The following ANO10 variants were observed in gnomAD, a reference collection of about 807,000 sequenced individuals.
ANO10 encodes anoctamin-10.
ANO10 carries 77 observed loss-of-function variants against 74.7 expected under a neutral mutation model. The ratio of observed to expected loss-of-function variants is 1.03; its 90% CI spans 0.86 to 1.25. ANO10 has a LOEUF of 1.25. Ranked by LOEUF, ANO10 falls within the 50% of genes most tolerant of loss-of-function variation. The pLI, the probability that ANO10 is intolerant of heterozygous loss-of-function variation, is 0.00. For missense variants in ANO10, 721 were observed against 778.1 expected, an observed-to-expected ratio of 0.93 and a Z score of 0.87; for synonymous variants, 279 against 284.9, an observed-to-expected ratio of 0.98 and a Z score of 0.21.
chr3:43,524,575 A>G (rs1302060409), intron 11 of ANO10, among the ~76,000 whole-genome samples: 2 of 152,142 alleles, frequency 1.3e-5, no homozygotes, highest in Non-Finnish European at 2.9e-5. Flanking sequence ...CAGGTGAGAA[A>G]GGGGGAAGGA....
intron 8 of ANO10, among the ~76,000 whole-genome samples, chr3:43,564,309 C>T (rs934995819): frequency 6.6e-6 from 1 of 151,938 alleles, no homozygotes; most frequent in African/African-American, 2.4e-5. Flanking sequence ...GCTGGGATTA[C>T]AGGTATGAGC....
chr3:43,404,442 C>T (rs538658430), intron 12 of ANO10, among the ~76,000 whole-genome samples: 1 of 152,192 alleles, frequency 6.6e-6, no homozygotes, highest in Non-Finnish European at 1.5e-5. Context: ...CCCCAGCTGA[C>T]ATCTTAGATT....
intron 1 of ANO10, among the ~76,000 whole-genome samples, chr3:43,677,135 C>T (rs1188030139): frequency 6.6e-6 from 1 of 152,178 alleles, no homozygotes; most frequent in East Asian, 1.9e-4. Flanking sequence ...GGTACACATA[C>T]ACCATGGAAT....
At position 43,660,978 on chromosome 3, in the gene ANO10, C is replaced by T. The variant is rs572811573; in HGVS notation, c.-12+30539G>A. 4.6e-5 allele frequency among the ~76,000 whole-genome samples: 7 copies of T among 152,228 alleles called. No individual in the cohort carries two copies. In the South Asian group the frequency reaches 1.5e-3, roughly 32 times the overall value. ...TCAAAAACAATAAAAAGAAAACACT[C>T]TTCAGGATATTATCCAGGAGAACTT... On this transcript the variant is annotated intron_variant, in intron 1 of 3. Transcript: ENST00000413397.
At chr3:43,684,238 AAAAC>A (rs1470351770) in intron 1 of ANO10, among the ~76,000 whole-genome samples, 1 of 152,232 alleles carries the variant, frequency 6.6e-6, no homozygotes, top group Non-Finnish European at 1.5e-5. Flanking sequence ...TTACAAGAAA[AAAAC>A]AAACAACCCC....
At chr3:43,675,532 C>T (rs1305219971) in intron 1 of ANO10, among the ~76,000 whole-genome samples, 1 of 152,016 alleles carries the variant, frequency 6.6e-6, no homozygotes, top group African/African-American at 2.4e-5. Flanking sequence ...ATTCTCAAAA[C>T]TCAACAGTTA....
intron 11 of ANO10, among the ~76,000 whole-genome samples, chr3:43,523,882 C>G (rs1163277619): frequency 6.6e-6 from 1 of 151,674 alleles, no homozygotes; most frequent in African/African-American, 2.4e-5. Context: ...ACAGTGGAAG[C>G]TGTGGAGTAG....
At chr3:43,373,886 G>A (rs1379105685) in intron 12 of ANO10, among the ~76,000 whole-genome samples, 2 of 152,192 alleles carry the variant, frequency 1.3e-5, no homozygotes, top group Non-Finnish European at 2.9e-5. Context: ...CACCTCCCTG[G>A]GTCTGGGAAA....
intron 10 of ANO10, among the ~76,000 whole-genome samples, chr3:43,551,974 T>C (rs190964712): frequency 1.8e-4 from 28 of 152,344 alleles, no homozygotes; most frequent in Admixed American, 1.6e-3. Flanking sequence ...CCTTGTTTTC[T>C]GTTTGTTCCC....
chr3:43,504,300 G>GA (rs1553692116), intron 11 of ANO10, among the ~76,000 whole-genome samples: 5 of 139,822 alleles, frequency 3.6e-5, no homozygotes, highest in African/African-American at 1.3e-4. Context: ...AGGTAGGTAG[G>GA]TAGATAGATA....
intron 12 of ANO10, among the ~76,000 whole-genome samples, chr3:43,422,644 G>T (rs1021701306): frequency 6.6e-6 from 1 of 152,098 alleles, no homozygotes; most frequent in African/African-American, 2.4e-5. Context: ...TATCAATGGG[G>T]TGACTTGAAA....
intron 11 of ANO10, among the ~76,000 whole-genome samples, chr3:43,508,862 G>A (rs2077399750): frequency 6.6e-6 from 1 of 150,456 alleles, no homozygotes; most frequent in Non-Finnish European, 1.5e-5. Flanking sequence ...GTTAATGGGT[G>A]TAGCACACCA....
At position 43,555,259 on chromosome 3, in the gene ANO10, T is replaced by G; in HGVS notation, c.1668+19A>C. The G allele has an allele frequency of 6.2e-7, 1 of 1,612,254 alleles. No individual in the cohort carries two copies. Among genetic ancestry groups the G allele is most frequent in the Non-Finnish European group, 8.5e-7 (1 of 1,178,388 alleles). On this transcript the variant is annotated intron_variant, in intron 10 of 12. Coordinates refer to ENST00000292246, the MANE Select transcript of ANO10 (RefSeq NM_018075.5). Reference sequence around the variant, plus strand: ...TATTTTTATTTTTTAAAGGAATAATTTTTTTCTCAAACAATTACCTGCCAC... The same window carrying G: ...TATTTTTATTTTTTAAAGGAATAATGTTTTTCTCAAACAATTACCTGCCAC...
At chr3:43,487,491 T>C (rs1212167805) in intron 11 of ANO10, among the ~76,000 whole-genome samples, 2 of 152,042 alleles carry the variant, frequency 1.3e-5, no homozygotes, top group Non-Finnish European at 2.9e-5. Context: ...CTCCTGTTAT[T>C]GGTCTATTCA....
At chr3:43,555,549 C>T (rs2079704430) in intron 9 of ANO10, 80 bp from the exon 10 acceptor site, 8 of 1,412,082 alleles carry the variant, frequency 5.7e-6, no homozygotes, top group Non-Finnish European at 3.9e-6. Context: ...AAAGCTGTGG[C>T]CTCTAACTAT....
intron 1 of ANO10, among the ~76,000 whole-genome samples, chr3:43,614,412 AAG>A (rs2082982498): frequency 6.6e-6 from 1 of 152,190 alleles, no homozygotes; most frequent in Admixed American, 6.5e-5. Context: ...CTGATATACA[AAG>A]AGTCCTTACA....
intron 1 of ANO10, among the ~76,000 whole-genome samples, chr3:43,613,831 C>T (rs1371241415): frequency 6.6e-6 from 1 of 152,176 alleles, no homozygotes; most frequent in African/African-American, 2.4e-5. Flanking sequence ...ATAAAGTCTA[C>T]ACCTTGCTTT....
intron 7 of ANO10, among the ~76,000 whole-genome samples, chr3:43,566,594 A>T (rs1056702899): frequency 6.6e-6 from 1 of 152,190 alleles, no homozygotes; most frequent in East Asian, 1.9e-4. Context: ...CTCACACGGC[A>T]GGGTATTCCA....
chr3:43,373,732 C>T (rs1305792336), intron 12 of ANO10, among the ~76,000 whole-genome samples: 1 of 152,212 alleles, frequency 6.6e-6, no homozygotes, highest in Non-Finnish European at 1.5e-5. Flanking sequence ...GAACAGGAAG[C>T]TAGTCATGTC....
Sources: gnomAD v4.1 joint callset for allele counts (sites outside exome capture counted in the v4.1 genomes callset) on GRCh38, gnomAD v4.1.1 for gene constraint, MANE v1.5 for transcripts, NCBI Gene and HGNC (gene_info 2026-07-23, HGNC 2026-07-21) for gene names.